The following ASTN1 variants were observed in gnomAD, a reference collection of about 807,000 sequenced individuals.
ASTN1 encodes astrotactin 1, also known as astrotactin-1.
Under a neutral mutation model 140.7 loss-of-function variants are expected in ASTN1, and 41 were observed. The observed-to-expected ratio is 0.29, with a 90% CI of 0.23 to 0.38. ASTN1 has a LOEUF of 0.38. ASTN1 is among the 10% of genes least tolerant of loss of function. The pLI is 1.00. For synonymous variants in ASTN1, 640 were observed against 652.2 expected, an observed-to-expected ratio of 0.98 and a Z score of 0.29; for missense variants, 1,479 against 1,678.8, an observed-to-expected ratio of 0.88 and a Z score of 2.08.
chr1:176,934,459 G>T, intron 15 of ASTN1, 119 bp from the exon 16 acceptor site: 2 of 1,012,002 alleles, frequency 2.0e-6, no homozygotes, highest in Non-Finnish European at 2.8e-6. Context: ...ATGTGGGAGA[G>T]CTAGCTAGAA....
chr1:176,998,614 C>G (rs1674568059), intron 8 of ASTN1, among the ~76,000 whole-genome samples: 1 of 152,194 alleles, frequency 6.6e-6, no homozygotes, highest in Non-Finnish European at 1.5e-5. Context: ...GAAGAAAAAT[C>G]AGAACACCAG....
Position 176,890,294 on chromosome 1 carries a change from C to T in ASTN1, c.2941-2090G>A, listed in dbSNP as rs1004199884. 7.2e-5 allele frequency among the ~76,000 whole-genome samples: 11 copies of T among 152,288 alleles called. No individual in the cohort carries two copies. In the East Asian group the frequency reaches 7.7e-4, roughly 11 times the overall value. ...GTAGATAAGCTTACAGAAGGGTACG[C>T]GGAGGCCTCTATGAGGATGCAACTT... On this transcript the variant is annotated intron_variant, in intron 17 of 22. Coordinates refer to ENST00000361833, the MANE Select transcript of ASTN1 (RefSeq NM_004319.3).
At chr1:176,971,786 C>T (rs112194933) in intron 8 of ASTN1, among the ~76,000 whole-genome samples, 280 of 152,256 alleles carry the variant, frequency 1.8e-3, no homozygotes, top group African/African-American at 6.4e-3. Context: ...GAAAGAGCTC[C>T]ACTGTGTTGC....
chr1:177,083,384 G>A (rs1679272637), intron 1 of ASTN1, among the ~76,000 whole-genome samples: 2 of 152,050 alleles, frequency 1.3e-5, no homozygotes, highest in South Asian at 2.1e-4. Flanking sequence ...ATTCTGGAAG[G>A]GAATTTGCTG....
At chr1:177,015,243 T>C (rs1183147818) in intron 7 of ASTN1, among the ~76,000 whole-genome samples, 1 of 152,236 alleles carries the variant, frequency 6.6e-6, no homozygotes, top group African/African-American at 2.4e-5. Context: ...TGAATAATAA[T>C]GTTTAAAGAC....
intron 1 of ASTN1, among the ~76,000 whole-genome samples, chr1:177,075,971 C>T (rs901655040): frequency 6.6e-6 from 1 of 152,126 alleles, no homozygotes; most frequent in African/African-American, 2.4e-5. Context: ...GAGAGATCCT[C>T]AAACTGCAAT....
At chr1:176,939,233 G>A (rs938569252) in intron 14 of ASTN1, among the ~76,000 whole-genome samples, 1 of 152,076 alleles carries the variant, frequency 6.6e-6, no homozygotes, top group East Asian at 1.9e-4. Context: ...ACCTAACTGC[G>A]TAAACTTGGC....
At chr1:177,080,515 T>C (rs1026872113) in intron 1 of ASTN1, among the ~76,000 whole-genome samples, 7 of 152,208 alleles carry the variant, frequency 4.6e-5, no homozygotes, top group Non-Finnish European at 8.8e-5. Context: ...TGTTAACTGA[T>C]AAGGAAAGTC....
chr1:177,101,896 TAA>T (rs938802319), intron 1 of ASTN1, among the ~76,000 whole-genome samples: 1 of 152,180 alleles, frequency 6.6e-6, no homozygotes, highest in Non-Finnish European at 1.5e-5. Flanking sequence ...CCCAAATGTA[TAA>T]ATGTCACATT....
intron 5 of ASTN1, among the ~76,000 whole-genome samples, chr1:177,025,456 T>A (rs1035544833): frequency 8.5e-5 from 13 of 152,116 alleles, no homozygotes; most frequent in East Asian, 1.9e-4. Flanking sequence ...TATTTTTTTT[T>A]AATTTTTTGT....
chr1:177,030,651 T>C (rs1029510514), intron 4 of ASTN1, among the ~76,000 whole-genome samples, 155 bp downstream of exon 4: 1 of 152,260 alleles, frequency 6.6e-6, no homozygotes, highest in Non-Finnish European at 1.5e-5. Flanking sequence ...ATTTACATTT[T>C]TTTGGTAAGT....
chr1:177,029,547 A>ACAACC (rs1489341399), intron 5 of ASTN1, 87 bp downstream of exon 5: 1 of 1,395,298 alleles, frequency 7.2e-7, no homozygotes, highest in Non-Finnish European at 1.0e-6. Flanking sequence ...CATAGAGCCC[A>ACAACC]CAACCCAACC....
chr1:177,138,548 T>C (rs1682305845), intron 1 of ASTN1, among the ~76,000 whole-genome samples: 2 of 152,132 alleles, frequency 1.3e-5, no homozygotes, highest in African/African-American at 4.8e-5. Flanking sequence ...ACTTGGTCAT[T>C]TTGCTGAGCC....
intron 1 of ASTN1, among the ~76,000 whole-genome samples, chr1:177,149,023 G>GAT (rs143970091): frequency 0.099 from 12,934 of 130,608 alleles, 726 homozygotes; most frequent in Non-Finnish European, 0.13. Context: ...AGAGGAAGGA[G>GAT]ATATATATAT....
In ASTN1 at chr1:176,861,833, C is replaced by A; in HGVS notation, c.*2451G>T. The A allele has an allele frequency of 1.0e-6, 1 of 985,282 alleles. No homozygotes were observed. Among genetic ancestry groups the A allele is most frequent in the Non-Finnish European group, 1.2e-6 (1 of 829,890 alleles). 61.0% of individuals were successfully genotyped at this position (985,282 alleles called of 1,614,324 possible). ...GACAAAGATAAAGAAGGTAGAGGAACTTGGGAGACTGAGGGAAAGATAGGA... is the reference window on the plus strand; with the variant it reads ...GACAAAGATAAAGAAGGTAGAGGAAATTGGGAGACTGAGGGAAAGATAGGA... On this transcript the variant is annotated 3_prime_UTR_variant, in exon 23 of 23. Transcript: ENST00000361833.
chr1:176,937,234 T>G (rs1017606171), intron 14 of ASTN1, among the ~76,000 whole-genome samples: 1 of 152,222 alleles, frequency 6.6e-6, no homozygotes, highest in African/African-American at 2.4e-5. Flanking sequence ...GTGTTCAGTA[T>G]TTAAGTTTCA....
chr1:176,929,072 G>A (rs1275939703), intron 16 of ASTN1, among the ~76,000 whole-genome samples: 1 of 152,180 alleles, frequency 6.6e-6, no homozygotes, highest in Non-Finnish European at 1.5e-5. Context: ...AAAAGGTTTT[G>A]GATTGACAGA....
intron 1 of ASTN1, among the ~76,000 whole-genome samples, chr1:177,128,205 A>T (rs1681762852): frequency 6.6e-6 from 1 of 152,310 alleles, no homozygotes; most frequent in East Asian, 1.9e-4. Context: ...AAAAGAAAAC[A>T]AAAGAGTATC....
chr1:177,106,217 A>AT (rs1278988020), intron 1 of ASTN1, among the ~76,000 whole-genome samples: 1 of 152,154 alleles, frequency 6.6e-6, no homozygotes, highest in African/African-American at 2.4e-5. Flanking sequence ...TGTAAATAGT[A>AT]TTTTTATTAT....
Sources: gnomAD v4.1 joint callset for allele counts (sites outside exome capture counted in the v4.1 genomes callset) on GRCh38, gnomAD v4.1.1 for gene constraint, MANE v1.5 for transcripts, NCBI Gene and HGNC (gene_info 2026-07-23, HGNC 2026-07-21) for gene names.